Variants in ERC1 observed in about 807,000 individuals in gnomAD.
ERC1 encodes the protein RAB6 interacting protein 2.
Under a neutral mutation model 132.0 loss-of-function variants are expected in ERC1, and 56 were observed. The observed-to-expected ratio is 0.42, with a 90% CI of 0.34 to 0.53. The LOEUF is 0.53. Among genes scored for constraint, ERC1 ranks in the 20% least tolerant of loss-of-function variants. The probability of loss-of-function intolerance (pLI) is 0.03; values close to 1 mark genes in which losing one functional copy is unlikely to be tolerated. For missense variants in ERC1, 1,202 were observed against 1,349.9 expected, an observed-to-expected ratio of 0.89 and a Z score of 1.72; for synonymous variants, 478 against 476.1, an observed-to-expected ratio of 1.00 and a Z score of -0.05.
At position 1,492,584 on chromosome 12, in the gene ERC1, A is replaced by G. The variant is rs146665201; in HGVS notation, c.*2354A>G. 4.3e-6 allele frequency: 1 copy of G among 232,988 alleles called. No homozygotes were observed. The highest frequency in any genetic ancestry group is 2.2e-5 in the African/African-American group (1 of 45,426). The allele number at this position is 232,988 out of a possible 1,614,324, so 14.4% of individuals were successfully genotyped here. A position where few individuals can be genotyped will look rare whatever the true frequency, so the allele number is the denominator to read the frequency against. On this transcript the variant is annotated 3_prime_UTR_variant, in exon 19 of 19. Transcript: ENST00000360905. ...TCTCCTCTTCATCTCAGCATTCTCCATCACTTCCCCTCCAGAAAAACGGAT... is the reference window on the plus strand; with the variant it reads ...TCTCCTCTTCATCTCAGCATTCTCCGTCACTTCCCCTCCAGAAAAACGGAT...
chr12:1,434,801 C>T (rs7294606), intron 17 of ERC1, among the ~76,000 whole-genome samples: 1 of 152,208 alleles, frequency 6.6e-6, no homozygotes, highest in African/African-American at 2.4e-5. Flanking sequence ...TGTAGTATCT[C>T]TGGTGTTTAC....
chr12:1,399,623 A>G (rs1353313291), intron 16 of ERC1, among the ~76,000 whole-genome samples: 2 of 152,198 alleles, frequency 1.3e-5, no homozygotes, highest in Non-Finnish European at 2.9e-5. Context: ...TGGAGATTTC[A>G]TATAAGTGAA....
At chr12:1,193,316 CTA>C (rs2154278544) in intron 12 of ERC1, among the ~76,000 whole-genome samples, 1 of 152,114 alleles carries the variant, frequency 6.6e-6, no homozygotes, top group East Asian at 1.9e-4. Context: ...ATTAATACAT[CTA>C]TAAATATAAA....
intron 15 of ERC1, among the ~76,000 whole-genome samples, chr12:1,309,071 A>G (rs1469148390): frequency 6.6e-6 from 1 of 152,212 alleles, no homozygotes; most frequent in Non-Finnish European, 1.5e-5. Flanking sequence ...TGAATCTTAC[A>G]GCACTTTGAT....
intron 12 of ERC1, among the ~76,000 whole-genome samples, chr12:1,205,006 A>G (rs1253193766): frequency 6.6e-6 from 1 of 152,222 alleles, no homozygotes; most frequent in Non-Finnish European, 1.5e-5. Context: ...GCTGGGTGGT[A>G]GAACTAGTGA....
At chr12:1,185,001 C>T (rs1954914229) in intron 11 of ERC1, among the ~76,000 whole-genome samples, 1 of 152,186 alleles carries the variant, frequency 6.6e-6, no homozygotes, top group African/African-American at 2.4e-5. Context: ...ACCTCCGCCT[C>T]CCGGTCTCAG....
intron 15 of ERC1, among the ~76,000 whole-genome samples, chr12:1,305,501 G>A (rs765671295): frequency 6.6e-6 from 1 of 151,996 alleles, no homozygotes; most frequent in Non-Finnish European, 1.5e-5. Context: ...TTAACCTACC[G>A]CTCCCTCGCC....
At chr12:1,248,457 C>T (rs912587876) in intron 13 of ERC1, among the ~76,000 whole-genome samples, 2 of 151,846 alleles carry the variant, frequency 1.3e-5, no homozygotes, top group Non-Finnish European at 2.9e-5. Flanking sequence ...GGAGTCCTCC[C>T]AAAGGATATT....
intron 1 of ERC1, among the ~76,000 whole-genome samples, chr12:1,024,928 C>T (rs553314373): frequency 1.2e-4 from 18 of 148,990 alleles, no homozygotes; most frequent in Admixed American, 6.7e-4. Context: ...AGTATAACAA[C>T]GATTTACATA....
At chr12:1,309,252 C>A (rs200650506) in intron 15 of ERC1, among the ~76,000 whole-genome samples, 2 of 152,082 alleles carry the variant, frequency 1.3e-5, no homozygotes, top group Non-Finnish European at 2.9e-5. Flanking sequence ...TGCATGATGT[C>A]GTATTGAACT....
chr12:1,133,040 T>A (rs1948917122), intron 7 of ERC1, among the ~76,000 whole-genome samples: 1 of 152,018 alleles, frequency 6.6e-6, no homozygotes, highest in Admixed American at 6.6e-5. Context: ...GTATTTTTAG[T>A]AGAGACGGGA....
At chr12:1,402,916 A>G (rs73026474) in intron 16 of ERC1, among the ~76,000 whole-genome samples, 12,373 of 152,128 alleles carry the variant, frequency 0.081, 562 homozygotes, top group Middle Eastern at 0.2. Context: ...GAACTCTCAG[A>G]TTTTTTTTAT....
chr12:1,000,487 GAA>G (rs10716503), intron 1 of ERC1, among the ~76,000 whole-genome samples: 3 of 130,694 alleles, frequency 2.3e-5, no homozygotes, highest in Non-Finnish European at 1.7e-5. Context: ...CCCTGTCTCA[GAA>G]AAAAAAAAAA....
At chr12:1,487,812 G>A (rs867522755) in intron 18 of ERC1, among the ~76,000 whole-genome samples, 7,704 of 149,840 alleles carry the variant, frequency 0.051, 647 homozygotes, top group African/African-American at 0.18. Context: ...AAAGAAACGA[G>A]AGAGAGAGAG....
intron 16 of ERC1, 97 bp downstream of exon 16, chr12:1,372,074 C>T (rs1433640562): frequency 2.4e-5 from 33 of 1,348,002 alleles, no homozygotes; most frequent in Non-Finnish European, 3.3e-5. Context: ...TCTCATGTTT[C>T]ATATTAGACA....
intron 2 of ERC1, among the ~76,000 whole-genome samples, chr12:1,069,300 A>C (rs1939884731): frequency 6.6e-6 from 1 of 152,176 alleles, no homozygotes; most frequent in Admixed American, 6.5e-5. Context: ...TATCATCTGC[A>C]TGGTGTACTT....
At chr12:1,143,863 A>G (rs1416240284) in intron 8 of ERC1, among the ~76,000 whole-genome samples, 1 of 151,830 alleles carries the variant, frequency 6.6e-6, no homozygotes, top group African/African-American at 2.4e-5. Context: ...TTTTCATTAC[A>G]TCTTCTAACT....
chr12:1,342,706 C>CA (rs1326485420), intron 15 of ERC1, among the ~76,000 whole-genome samples: 1 of 152,056 alleles, frequency 6.6e-6, no homozygotes, highest in African/African-American at 2.4e-5. Context: ...GATGAAAAGT[C>CA]ACAGAGGTAT....
intron 17 of ERC1, among the ~76,000 whole-genome samples, chr12:1,421,696 T>C (rs1207240710): frequency 1.3e-5 from 2 of 152,142 alleles, no homozygotes; most frequent in Non-Finnish European, 2.9e-5. Flanking sequence ...TACATGACTC[T>C]TGATGAGTAA....
Sources: allele counts gnomAD v4.1 joint callset (sites outside exome capture counted in the v4.1 genomes callset), GRCh38; gene constraint gnomAD v4.1.1; transcripts MANE v1.5; gene names NCBI Gene and HGNC (gene_info 2026-07-23, HGNC 2026-07-21).